VDAC1: variants seen among roughly 807,000 people sequenced by gnomAD.
VDAC1 encodes non-selective voltage-gated ion channel VDAC1.
In VDAC1, 10 loss-of-function variants were observed where a neutral mutation model predicts 34.7. That is an observed-to-expected ratio of 0.29 (90% CI 0.18 to 0.49). VDAC1 has a LOEUF of 0.49. Ranked by LOEUF, VDAC1 falls within the 20% of genes least tolerant of loss-of-function variation. The probability of loss-of-function intolerance (pLI) is 0.99; values close to 1 mark genes in which losing one functional copy is unlikely to be tolerated. For missense variants in VDAC1, 230 were observed against 347.9 expected, an observed-to-expected ratio of 0.66 and a Z score of 2.69; for synonymous variants, 130 against 136.0, an observed-to-expected ratio of 0.96 and a Z score of 0.30.
the VDAC1 span, among the ~76,000 whole-genome samples, chr5:134,092,624 T>A: frequency 6.7e-6 from 1 of 150,302 alleles, no homozygotes; most frequent in Non-Finnish European, 1.5e-5. Context: ...TGCAGTGAGC[T>A]GTGATCGTGC....
At chr5:134,050,619 C>CTT in the VDAC1 span, among the ~76,000 whole-genome samples, 1 of 152,214 alleles carries the variant, frequency 6.6e-6, no homozygotes, top group Admixed American at 6.5e-5. Context: ...TCTTCCACTT[C>CTT]TTCTTAGAAG....
At chr5:133,999,850 C>G (rs1051021871) in intron 1 of VDAC1, among the ~76,000 whole-genome samples, 4 of 152,136 alleles carry the variant, frequency 2.6e-5, no homozygotes, top group African/African-American at 9.7e-5. Flanking sequence ...TCATTGCCAT[C>G]ATCTTATGAT....
At chr5:134,092,406 G>A in the VDAC1 span, among the ~76,000 whole-genome samples, 1 of 152,186 alleles carries the variant, frequency 6.6e-6, no homozygotes, top group South Asian at 2.1e-4. Context: ...GGAGAGGGAG[G>A]TGTGTGGAAG....
At chr5:133,987,949 TA>T (rs1460385245) in intron 5 of VDAC1, among the ~76,000 whole-genome samples, 1 of 152,058 alleles carries the variant, frequency 6.6e-6, no homozygotes, top group Non-Finnish European at 1.5e-5. Flanking sequence ...AATTTAATCA[TA>T]AGGAAGCATC....
At chr5:134,080,620 G>GGTTAAGT in the VDAC1 span, among the ~76,000 whole-genome samples, 1 of 152,122 alleles carries the variant, frequency 6.6e-6, no homozygotes, top group African/African-American at 2.4e-5. Flanking sequence ...AAGTGTTGGG[G>GGTTAAGT]CACCAACAAC....
the VDAC1 span, among the ~76,000 whole-genome samples, chr5:134,039,766 C>T: frequency 3.9e-5 from 6 of 152,288 alleles, no homozygotes; most frequent in East Asian, 7.7e-4. Flanking sequence ...GGCCATCTCC[C>T]GGCTCCCAAA....
At chr5:134,001,506 G>A (rs1753551781) in intron 1 of VDAC1, among the ~76,000 whole-genome samples, 2 of 152,164 alleles carry the variant, frequency 1.3e-5, no homozygotes, top group South Asian at 4.2e-4. Flanking sequence ...CAGGAGGTCA[G>A]GAGTTCAAGA....
the VDAC1 span, among the ~76,000 whole-genome samples, chr5:134,111,362 A>G: frequency 6.6e-6 from 1 of 152,194 alleles, no homozygotes; most frequent in East Asian, 1.9e-4. Context: ...GGATGAATCC[A>G]GAAGACTCTG....
intron 1 of VDAC1, among the ~76,000 whole-genome samples, chr5:134,003,370 G>A (rs1483627849): frequency 3.9e-5 from 6 of 152,168 alleles, no homozygotes; most frequent in African/African-American, 1.4e-4. Flanking sequence ...CCCCAGGAGA[G>A]GGGAGGCTAG....
the VDAC1 span, among the ~76,000 whole-genome samples, chr5:134,027,633 A>G: frequency 4.6e-5 from 7 of 152,258 alleles, no homozygotes; most frequent in Admixed American, 6.5e-5. Flanking sequence ...AGCCACCCAC[A>G]TTAATTGAAA....
chr5:134,042,231 CAT>C, the VDAC1 span, among the ~76,000 whole-genome samples: 1 of 152,170 alleles, frequency 6.6e-6, no homozygotes, highest in African/African-American at 2.4e-5. Flanking sequence ...CACGCTCACT[CAT>C]CCTGGGCACT....
Position 133,972,857 on chromosome 5 carries a change from T to C in VDAC1, c.766A>G (p.Lys256Glu). 1 of 1,613,380 alleles carries C rather than the reference T, an allele frequency of 6.2e-7. No homozygotes were observed. The change falls in exon 9 of 9, where the codon AAA becomes GAA. Residue 256 changes from lysine to glutamate, a missense_variant. Coordinates refer to ENST00000265333, the MANE Select transcript of VDAC1 (RefSeq NM_003374.3). ...GYTQTLKPGIKLTLSALLDGK... is the reference protein window; with the variant it reads ...GYTQTLKPGIELTLSALLDGK... ...TCCAGAAGAGCTGACAGTGTCAGTT[T>C]AATACCTGCAGGGAGAAAAATGAGG...
the VDAC1 span, among the ~76,000 whole-genome samples, chr5:134,076,724 G>A: frequency 6.6e-6 from 1 of 152,160 alleles, no homozygotes; most frequent in Non-Finnish European, 1.5e-5. Context: ...AAGGCAAGGG[G>A]CTGGATCAGA....
At chr5:134,113,403 T>C in the VDAC1 span, among the ~76,000 whole-genome samples, 4 of 152,342 alleles carry the variant, frequency 2.6e-5, no homozygotes, top group Non-Finnish European at 5.9e-5. Flanking sequence ...CCTAGCTCTT[T>C]GATCCACAGC....
chr5:134,033,718 T>C, the VDAC1 span, among the ~76,000 whole-genome samples: 916 of 145,578 alleles, frequency 6.3e-3, 4 homozygotes, highest in South Asian at 0.013. Flanking sequence ...ATAGGCCGGG[T>C]GCGATGGCTC....
At chr5:133,995,352 C>T (rs1330932795) in intron 1 of VDAC1, among the ~76,000 whole-genome samples, 3 of 152,220 alleles carry the variant, frequency 2.0e-5, no homozygotes, top group Admixed American at 2.0e-4. Flanking sequence ...CAATGCCTCA[C>T]TGTAAACATA....
At chr5:133,987,447 A>T (rs1243604503) in intron 5 of VDAC1, among the ~76,000 whole-genome samples, 2 of 152,144 alleles carry the variant, frequency 1.3e-5, no homozygotes, top group Non-Finnish European at 2.9e-5. Context: ...GGAGGCTGAG[A>T]CGGGTGGATC....
the VDAC1 span, among the ~76,000 whole-genome samples, chr5:134,017,600 T>C: frequency 2.0e-5 from 3 of 152,222 alleles, no homozygotes; most frequent in East Asian, 1.9e-4. Context: ...ACTTAATAAA[T>C]AATAAATGGT....
chr5:134,100,231 G>A, the VDAC1 span, among the ~76,000 whole-genome samples: 1 of 152,222 alleles, frequency 6.6e-6, no homozygotes, highest in African/African-American at 2.4e-5. Context: ...GAGGCAGTCA[G>A]GGCTCTCCCT....
Sources: allele counts gnomAD v4.1 joint callset (sites outside exome capture counted in the v4.1 genomes callset), GRCh38; gene constraint gnomAD v4.1.1; transcripts MANE v1.5; gene names NCBI Gene and HGNC (gene_info 2026-07-23, HGNC 2026-07-21).